SLC4A11: variants seen among roughly 807,000 people sequenced by gnomAD.
SLC4A11 encodes the protein bicarbonate transporter related protein 1.
In SLC4A11, 74 loss-of-function variants were observed where a neutral mutation model predicts 95.0. That is an observed-to-expected ratio of 0.78 (90% confidence interval 0.65 to 0.95). The LOEUF (loss-of-function observed/expected upper bound fraction) is 0.95, where lower values mean the gene tolerates loss of function less well. SLC4A11 is among the 40% of genes least tolerant of loss of function. SLC4A11 has a pLI of 0.00. For missense variants in SLC4A11, 1,081 were observed against 1,192.4 expected (o/e 0.91, Z 1.38); for synonymous variants, 548 against 519.0 (o/e 1.06, Z -0.76).
At chr20:3,237,841 C>A in intron 1 of SLC4A11, 3 of 1,555,908 alleles carry the variant, frequency 1.9e-6, no homozygotes, top group Middle Eastern at 3.3e-4. Context: ...GGGCCAGAGG[C>A]GAGGAGGAGA....
upstream of SLC4A11, chr20:3,239,253 G>C (rs1284441436): frequency 2.4e-6 from 3 of 1,268,386 alleles, no homozygotes; most frequent in Non-Finnish European, 3.0e-6. Context: ...CCCCCACGCC[G>C]CGCCTGGGTC....
At chr20:3,238,358 G>A in intron 1 of SLC4A11, 2 of 985,452 alleles carry the variant, frequency 2.0e-6, no homozygotes, top group Non-Finnish European at 2.4e-6. Flanking sequence ...CAGACTCGGA[G>A]ACCCCGGGGG....
Position 3,239,095 on chromosome 20 carries a change from C to T in SLC4A11, c.43G>A (p.Glu15Lys), listed in dbSNP as rs1463493866. 6.8e-7 allele frequency: 1 copy of T among 1,477,180 alleles called. No homozygotes were observed. The highest frequency in any genetic ancestry group is 8.9e-7 in the Non-Finnish European group (1 of 1,118,696). 91.5% of individuals were successfully genotyped at this position (1,477,180 alleles called of 1,614,324 possible). A position where few individuals can be genotyped will look rare whatever the true frequency, so the allele number is the denominator to read the frequency against. Residue 15 changes from glutamate to lysine, a missense_variant and splice_region_variant, in exon 1 of 20, where the codon GAA (glutamate) becomes AAA (lysine). By Grantham distance (56) the Glu-to-Lys change is moderately conservative (BLOSUM62 1). Transcript: ENST00000642402. ...TRRVFHLQPCENSPTMSQNGY... is the reference protein window; with the variant it reads ...TRRVFHLQPCKNSPTMSQNGY... ...CGCGCCCCCGGGTTCAGGCACCCACCGCACGGCTGCAGATGGAACACGCGC... is the reference window on the plus strand; with the variant it reads ...CGCGCCCCCGGGTTCAGGCACCCACTGCACGGCTGCAGATGGAACACGCGC...
In SLC4A11 at chr20:3,234,204, G is replaced by C. The variant is rs373563306; in HGVS notation, c.402C>G (p.Asn134Lys). ...AGCGGCGAAGCATGGTCCGCAGCAC[G>C]TTATCCAGGGAGGTGGCCGTCTCGT... ...VLNETATSLD[N>K]VLRTMLRRFA... Residue 134 changes from asparagine (N) to lysine (K), a missense_variant, in exon 5 of 20, where the codon AAC (asparagine) becomes AAG (lysine). Physicochemically the swap from Asn to Lys is moderately conservative, Grantham distance 94 (BLOSUM62 0). Transcript: ENST00000642402. This position sits in a 1 kb window ranked among gnomAD's most constrained non-coding sequence, Gnocchi z 5.8. 1.9e-6 allele frequency: 3 copies of C among 1,614,116 alleles called. No homozygotes were observed. Among genetic ancestry groups the C allele is most frequent in the Non-Finnish European group, 2.5e-6 (3 of 1,180,028 alleles).
Position 3,230,258 on chromosome 20 carries a change from G to T in SLC4A11, c.1418C>A (p.Ser473Ter). ...LSLVMSLFKR[S>*]TEEIIALFIS... ...GAAGAGGGCGATGATCTCCTCCGTC[G>T]ACCTGCCAGGAGGCCATGAGCCTCA... The change falls in exon 13 of 20, where the codon TCG becomes TAG. Residue 473 changes from serine (S) to a stop codon, truncating the protein, a stop_gained and splice_region_variant. Coordinates refer to ENST00000642402, the MANE Select transcript of SLC4A11 (RefSeq NM_001174089.2). LOFTEE classifies it high-confidence loss of function. The T allele has an allele frequency of 1.2e-6, 2 of 1,613,440 alleles. No individual in the cohort carries two copies. The highest frequency in any genetic ancestry group is 2.2e-5 in the South Asian group (2 of 91,070).
chr20:3,231,459 G>A lies in SLC4A11; in HGVS notation c.819C>T (p.Arg273=), dbSNP rs759917679. The stretch of plus-strand genomic sequence containing the variant: ...AGGCCTCCTTGAATTCCTCCTCTGT[G>A]CGGGTCTCCAGGAGCTTCTGGCGGA... ...IAFRQKLLET[R]TEEEFKEALV... is the part of the protein sequence containing the mutation. The change falls in exon 8 of 20, where the codon CGC becomes CGT. Residue 273 remains arginine (R), a synonymous_variant. Transcript: ENST00000642402. This position sits in a 1 kb window ranked among gnomAD's most constrained non-coding sequence, Gnocchi z 5.2. 2.5e-6 allele frequency: 4 copies of A among 1,614,096 alleles called. No individual in the cohort carries two copies. Among genetic ancestry groups the A allele is most frequent in the East Asian group, 4.5e-5 (2 of 44,862 alleles).
At position 3,229,334 on chromosome 20, in the gene SLC4A11, GCC is replaced by G. The variant is rs1568530360; in HGVS notation, c.1849+10_1849+11del. 1 of 1,613,154 alleles carries G rather than the reference GCC, an allele frequency of 6.2e-7. No homozygotes were observed. Among genetic ancestry groups the G allele is most frequent in the Non-Finnish European group, 8.5e-7 (1 of 1,180,000 alleles). On this transcript the variant is annotated intron_variant, in intron 15 of 19. Coordinates refer to ENST00000642402, the MANE Select transcript of SLC4A11 (RefSeq NM_001174089.2). The stretch of plus-strand genomic sequence containing the variant: ...GCTACCCCACGTCACCCACCGCCCG[GCC>G]CCAACTCACTCTCGATTTCCCGGAA...
At position 3,229,422 on chromosome 20, in the gene SLC4A11, G is replaced by T. The variant is rs779872421; in HGVS notation, c.1773C>A (p.Ile591=). The T allele has an allele frequency of 1.2e-6, 2 of 1,613,212 alleles. No individual in the cohort carries two copies. Among genetic ancestry groups the T allele is most frequent in the African/African-American group, 2.7e-5 (2 of 74,934 alleles). The change falls in exon 15 of 20, where the codon ATC becomes ATA. Residue 591 remains isoleucine (I), a synonymous_variant. Transcript: ENST00000642402. ...CGATGGGCAGGGCGCAGTCGGACAG[G>T]ATCTCTCGCACGCAGGGGTGCAGGT... The part of the protein sequence containing the change: ...SPYLHPCVRE[I]LSDCALPIAV...
At chr20:3,230,142 T>C in intron 13 of SLC4A11, 45 bp downstream of exon 13, 1 of 1,606,204 alleles carries the variant, frequency 6.2e-7, no homozygotes, top group Non-Finnish European at 8.5e-7. Flanking sequence ...ACCTCCCATC[T>C]CGGCTGAGCG....
chr20:3,229,495 GCCCCT>G, intron 14 of SLC4A11, 24 bp downstream of exon 14: 1 of 1,612,712 alleles, frequency 6.2e-7, no homozygotes, highest in South Asian at 1.1e-5. Flanking sequence ...GACCCATGCG[GCCCCT>G]CCCCTCCCCA....
Position 3,230,556 on chromosome 20 carries a change from A to T in SLC4A11, c.1374T>A (p.Tyr458Ter). ...GLWNSFFLAL[Y>*]AFFNLSLVMS... ...TGACCAGGCTGAGGTTGAAAAAGGC[A>T]TAAAGCGCAAGGAAGAAACTATTCC... The change falls in exon 12 of 20, where the codon TAT (tyrosine) becomes TAA (stop). Residue 458 changes from tyrosine to a stop codon, truncating the protein, a stop_gained. Coordinates refer to ENST00000642402, the MANE Select transcript of SLC4A11 (RefSeq NM_001174089.2). LOFTEE classifies it high-confidence loss of function. 6.2e-7 allele frequency: 1 copy of T among 1,613,950 alleles called. No individual in the cohort carries two copies.
chr20:3,230,978 T>C lies in SLC4A11; in HGVS notation c.1123A>G (p.Ile375Val). 6.2e-7 allele frequency: 1 copy of C among 1,612,676 alleles called. No homozygotes were observed. ...TCGTCATTGAGAGACCCGAAAGCGA[T>C]GGTGGGCAGGAGGCAGGCGAAGTAG... ...FLYFACLLPT[I>V]AFGSLNDENT... Residue 375 changes from isoleucine to valine, a missense_variant, in exon 10 of 20, where the codon ATC (isoleucine) becomes GTC (valine). Around this residue, in one of 3 missense-constraint regions of SLC4A11, gnomAD observed 767 missense variants for 858.0 expected, o/e 0.89. Coordinates refer to ENST00000642402, the MANE Select transcript of SLC4A11 (RefSeq NM_001174089.2).
rs1244236349 is a variant in SLC4A11 at position 3,234,429 on chromosome 20, C to T, written c.292-115G>A. On this transcript the variant is annotated intron_variant, in intron 4 of 19. Coordinates refer to ENST00000642402, the MANE Select transcript of SLC4A11 (RefSeq NM_001174089.2). The surrounding 1 kb of genome is among the most constrained non-coding windows in gnomAD (Gnocchi z 5.8). ...CCAGCCCCCAGCCCCCAGCCCCCAGCCCTGGGCTGGTGCGAGCTCCCTGTT... is the reference window on the plus strand; with the variant it reads ...CCAGCCCCCAGCCCCCAGCCCCCAGTCCTGGGCTGGTGCGAGCTCCCTGTT... 1 of 1,514,128 alleles carries T rather than the reference C, an allele frequency of 6.6e-7. No homozygotes were observed. Among genetic ancestry groups the T allele is most frequent in the Non-Finnish European group, 9.1e-7 (1 of 1,095,276 alleles). 93.8% of individuals were successfully genotyped at this position (1,514,128 alleles called of 1,614,324 possible). A position where few individuals can be genotyped will look rare whatever the true frequency, so the allele number is the denominator to read the frequency against.
intron 19 of SLC4A11, 130 bp downstream of exon 19, chr20:3,228,129 C>T (rs2067599972): frequency 5.6e-6 from 5 of 893,990 alleles, no homozygotes; most frequent in Non-Finnish European, 6.9e-6. Context: ...GACCCCTCCT[C>T]CTGGGCACCC....
chr20:3,232,177 T>C (rs1052447847), intron 7 of SLC4A11, among the ~76,000 whole-genome samples: 3 of 152,248 alleles, frequency 2.0e-5, no homozygotes, highest in Non-Finnish European at 4.4e-5. Flanking sequence ...CCCAGCTACG[T>C]TTCCCCAGTG....
In SLC4A11 at chr20:3,231,680, G is replaced by C. The variant is rs1411472478; in HGVS notation, c.730-132C>G. 5 of 796,216 alleles carry C rather than the reference G, an allele frequency of 6.3e-6. No individual in the cohort carries two copies. Among genetic ancestry groups the C allele is most frequent in the East Asian group, 5.3e-5 (2 of 37,410 alleles). 49.3% of individuals were successfully genotyped at this position (796,216 alleles called of 1,614,324 possible). A position where few individuals can be genotyped will look rare whatever the true frequency, so the allele number is the denominator to read the frequency against. ...TTGTTTTTTGTGTTTTTTTGAGACAGGGTCTCACTGTCACCCAGGCTGAGT... is the reference window on the plus strand; with the variant it reads ...TTGTTTTTTGTGTTTTTTTGAGACACGGTCTCACTGTCACCCAGGCTGAGT... On this transcript the variant is annotated intron_variant, in intron 7 of 19. Coordinates refer to ENST00000642402, the MANE Select transcript of SLC4A11 (RefSeq NM_001174089.2). The surrounding 1 kb of genome is among the most constrained non-coding windows in gnomAD (Gnocchi z 5.2).
In SLC4A11 at chr20:3,230,648, C is replaced by T; in HGVS notation, c.1283-1G>A. The T allele has an allele frequency of 6.2e-7, 1 of 1,613,454 alleles. No individual in the cohort carries two copies. Among genetic ancestry groups the T allele is most frequent in the East Asian group, 2.2e-5 (1 of 44,860 alleles). On this transcript the variant is annotated splice_acceptor_variant, in intron 11 of 19. Coordinates refer to ENST00000642402, the MANE Select transcript of SLC4A11 (RefSeq NM_001174089.2). LOFTEE classifies it high-confidence loss of function. ...TAGTCATCACAGATGACACGAATCA[C>T]TGCAGGCAGGGGGCAGGGCGGGTCA...
intron 19 of SLC4A11, among the ~76,000 whole-genome samples, 200 bp from the exon 20 acceptor site, chr20:3,228,056 T>C (rs191623454): frequency 2.4e-5 from 2 of 84,242 alleles, no homozygotes; most frequent in Non-Finnish European, 4.9e-5. Context: ...ACTCTCCACC[T>C]CTAGGCTGGG....
intron 1 of SLC4A11, 179 bp from the exon 2 acceptor site, chr20:3,237,767 G>T (rs2068030650): frequency 1.2e-6 from 2 of 1,611,924 alleles, no homozygotes; most frequent in African/African-American, 1.3e-5. Flanking sequence ...CCCCATAGCA[G>T]GGGAAGCCAG....
Sources: allele counts gnomAD v4.1 joint callset (sites outside exome capture counted in the v4.1 genomes callset), GRCh38; gene constraint gnomAD v4.1.1; regional missense constraint gnomAD v4.1.1; non-coding constraint Gnocchi (gnomAD v3.1); transcripts MANE v1.5; gene names NCBI Gene and HGNC (gene_info 2026-07-23, HGNC 2026-07-21).